The following MYOM1 variants were observed in gnomAD, a reference collection of about 807,000 sequenced individuals.
The protein encoded by MYOM1 is myomesin-1.
Under a neutral mutation model 205.3 loss-of-function variants are expected in MYOM1, and 164 were observed. The ratio of observed to expected loss-of-function variants is 0.80; its 90% CI spans 0.70 to 0.91. The LOEUF is 0.91. Among genes scored for constraint, MYOM1 ranks in the 40% least tolerant of loss-of-function variants. MYOM1 has a pLI of 0.00. For synonymous variants in MYOM1, 772 were observed against 789.4 expected, an observed-to-expected ratio of 0.98 and a Z score of 0.37; for missense variants, 2,011 against 2,127.3, an observed-to-expected ratio of 0.95 and a Z score of 1.08.
rs776183622 is a variant in MYOM1, at chr18:3,134,655, G to T, written c.2379C>A (p.Gly793=). Residue 793 remains glycine, a synonymous_variant, in exon 16 of 38, where the codon GGC becomes GGA. Transcript: ENST00000356443. ...TGCACACCCGACTGAGTTACCGTGA[G>T]CCCTTCACGGGGTTGTTGTTACAGG... ...WEPCNNNPVK[G]SRFTCHGLVT... The T allele has an allele frequency of 3.7e-6, 6 of 1,611,330 alleles. No homozygotes were observed. In the Admixed American group the frequency reaches 8.3e-5, roughly 22 times the overall value.
chr18:3,216,627 G>A (rs548564829), intron 1 of MYOM1, among the ~76,000 whole-genome samples: 33 of 152,322 alleles, frequency 2.2e-4, no homozygotes, highest in African/African-American at 7.9e-4. Flanking sequence ...GGATGGGAGA[G>A]GTATAGGAGA....
intron 26 of MYOM1, 63 bp downstream of exon 26, chr18:3,094,107 A>G (rs1410244442): frequency 6.4e-7 from 1 of 1,556,624 alleles, no homozygotes; most frequent in Non-Finnish European, 8.8e-7. Context: ...CCACATCCAC[A>G]TAAGGCTTCC....
intron 2 of MYOM1, among the ~76,000 whole-genome samples, chr18:3,203,871 C>A (rs992425090): frequency 6.6e-6 from 1 of 151,676 alleles, no homozygotes; most frequent in African/African-American, 2.4e-5. Flanking sequence ...CGCAAAAATC[C>A]TTCATAAAAT....
At chr18:3,197,596 G>C (rs555418094) in intron 2 of MYOM1, among the ~76,000 whole-genome samples, 1 of 152,124 alleles carries the variant, frequency 6.6e-6, no homozygotes, top group Non-Finnish European at 1.5e-5. Context: ...TGTTAAGGCT[G>C]GGCGCGGTGG....
rs1297292006 is a variant in MYOM1 at position 3,169,934 on chromosome 18, T to C, written c.1175-953A>G. ...GGCAGAATGAATAAAGAAAACGTGG[T>C]ACATATACTCAATGGAATGTTATTC... On this transcript the variant is annotated intron_variant, in intron 8 of 37. Transcript: ENST00000356443. 5.3e-5 allele frequency among the ~76,000 whole-genome samples: 8 copies of C among 152,234 alleles called. No homozygotes were observed. The South Asian group carries it at 8.3e-4, about 16-fold the overall frequency.
chr18:3,142,140 C>T, intron 13 of MYOM1, 77 bp from the exon 14 acceptor site: 2 of 1,531,266 alleles, frequency 1.3e-6, no homozygotes, highest in South Asian at 2.4e-5. Flanking sequence ...AGACGCTGCT[C>T]TCCTCCTGAG....
chr18:3,233,506 C>A, the MYOM1 span, among the ~76,000 whole-genome samples: 1 of 152,130 alleles, frequency 6.6e-6, no homozygotes, highest in African/African-American at 2.4e-5. Flanking sequence ...TAGCACATGG[C>A]AGGACACTGA....
intron 37 of MYOM1, 138 bp downstream of exon 37, chr18:3,071,696 T>C: frequency 3.7e-6 from 3 of 821,122 alleles, no homozygotes; most frequent in Non-Finnish European, 3.9e-6. Flanking sequence ...TTGGTTACTC[T>C]GGTCAAGTAT....
chr18:3,162,756 G>GGT (rs146126790), intron 10 of MYOM1, among the ~76,000 whole-genome samples: 31,276 of 151,970 alleles, frequency 0.21, 3,355 homozygotes, highest in East Asian at 0.36. Flanking sequence ...GGCCGGGCGT[G>GGT]GGCTCACGCC....
chr18:3,164,160 A>AT, intron 10 of MYOM1, 118 bp downstream of exon 10: 1 of 1,180,352 alleles, frequency 8.5e-7, no homozygotes, highest in East Asian at 2.6e-5. Context: ...CCCTGCCAGA[A>AT]TTTTGAAATG....
chr18:3,164,930 T>G (rs532104126), intron 9 of MYOM1, among the ~76,000 whole-genome samples: 1 of 141,350 alleles, frequency 7.1e-6, no homozygotes, highest in South Asian at 2.3e-4. Context: ...AATTTATACT[T>G]TTAGCAACTT....
At chr18:3,084,394 A>T (rs1037835226) in intron 31 of MYOM1, among the ~76,000 whole-genome samples, 3 of 138,948 alleles carry the variant, frequency 2.2e-5, no homozygotes, top group Non-Finnish European at 4.4e-5. Context: ...CGTGTCATCG[A>T]TTCATAATGA....
At chr18:3,187,857 C>CTTTTTTTTTTTTTTTTTT (rs763218658) in intron 4 of MYOM1, among the ~76,000 whole-genome samples, 1 of 124,230 alleles carries the variant, frequency 8.0e-6, no homozygotes, top group African/African-American at 3.3e-5. Flanking sequence ...ATTTCTTTTT[C>CTTTTTTTTTTTTTTTTTT]TTTTTTTTTT....
chr18:3,086,671 A>G (rs1242499973), intron 29 of MYOM1, among the ~76,000 whole-genome samples: 1 of 152,028 alleles, frequency 6.6e-6, no homozygotes, highest in African/African-American at 2.4e-5. Context: ...GAGGAGACTC[A>G]CTTAGATACA....
chr18:3,222,715 ACATACACACATACACACACAAACAGG>A (rs1217301369), upstream of MYOM1, among the ~76,000 whole-genome samples: 1 of 151,070 alleles, frequency 6.6e-6, no homozygotes, highest in Non-Finnish European at 1.5e-5. Context: ...GTACGTGTGC[ACATACACACATACACACACAAACAGG>A]CATACACACA....
intron 15 of MYOM1, 78 bp from the exon 16 acceptor site, chr18:3,134,902 C>T: frequency 7.1e-7 from 1 of 1,418,304 alleles, no homozygotes. Context: ...AAACACACAC[C>T]TAGGTATTTT....
At chr18:3,077,137 C>T (rs745436095) in intron 34 of MYOM1, among the ~76,000 whole-genome samples, 4 of 151,742 alleles carry the variant, frequency 2.6e-5, no homozygotes, top group Admixed American at 1.3e-4. Context: ...CTCTGCTTCT[C>T]GAGTAGCTGG....
At chr18:3,139,717 C>T (rs2080022126) in intron 14 of MYOM1, among the ~76,000 whole-genome samples, 2 of 152,144 alleles carry the variant, frequency 1.3e-5, no homozygotes, top group Admixed American at 6.5e-5. Flanking sequence ...TGTTCTATGC[C>T]CTGTGCAGGC....
chr18:3,086,901 C>G (rs1308562562), intron 29 of MYOM1, among the ~76,000 whole-genome samples: 4 of 152,182 alleles, frequency 2.6e-5, no homozygotes, highest in Admixed American at 6.5e-5. Flanking sequence ...AAACTACATA[C>G]CATTCCCCAA....
Sources: allele counts gnomAD v4.1 joint callset (sites outside exome capture counted in the v4.1 genomes callset), GRCh38; gene constraint gnomAD v4.1.1; transcripts MANE v1.5; gene names NCBI Gene and HGNC (gene_info 2026-07-23, HGNC 2026-07-21).